MAPK14: variants seen among roughly 807,000 people sequenced by gnomAD.
The protein encoded by MAPK14 is mitogen-activated protein kinase 14.
Under a neutral mutation model 49.6 loss-of-function variants are expected in MAPK14, and 16 were observed. That is an observed-to-expected ratio of 0.32 (90% confidence interval 0.22 to 0.49). The LOEUF is 0.49. Among genes scored for constraint, MAPK14 ranks in the 20% least tolerant of loss-of-function variants. MAPK14 has a pLI of 0.99. For missense variants in MAPK14, 200 were observed against 441.2 expected, an observed-to-expected ratio of 0.45 and a Z score of 4.90; for synonymous variants, 142 against 158.0, an observed-to-expected ratio of 0.90 and a Z score of 0.76.
At chr6:36,058,628 G>T (rs1012065328) in intron 2 of MAPK14, among the ~76,000 whole-genome samples, 2 of 152,204 alleles carry the variant, frequency 1.3e-5, no homozygotes, top group African/African-American at 2.4e-5. Flanking sequence ...GCTGGCCGTG[G>T]TGGCTCACTG....
chr6:36,120,631 A>G, the MAPK14 span, among the ~76,000 whole-genome samples: 1 of 152,140 alleles, frequency 6.6e-6, no homozygotes, highest in African/African-American at 2.4e-5. Context: ...CACTAAATTG[A>G]TGGCTATGGG....
In MAPK14 at chr6:36,092,557, C is replaced by G. The variant is rs1765279440; in HGVS notation, c.683-3430C>G. The G allele has an allele frequency of 6.2e-6, 3 of 484,192 alleles. 1 individual carries two copies. The highest frequency in any genetic ancestry group is 3.4e-5 in the South Asian group (2 of 59,646). The allele number at this position is 484,192 out of a possible 1,614,324, so 30.0% of individuals were successfully genotyped here. On this transcript the variant is annotated intron_variant, in intron 8 of 11. Transcript: ENST00000229794. Reference sequence around the variant, plus strand: ...ATAGGAGCCATGTATGTTGTTTTTTCAAGTTTGACCCATTTTCCTTCTGAA... The same window carrying G: ...ATAGGAGCCATGTATGTTGTTTTTTGAAGTTTGACCCATTTTCCTTCTGAA...
chr6:36,101,920 T>A (rs1439168887), intron 9 of MAPK14, among the ~76,000 whole-genome samples: 2 of 152,222 alleles, frequency 1.3e-5, no homozygotes, highest in Non-Finnish European at 2.9e-5. Context: ...GTGGTTAAGA[T>A]AGACAGCAGA....
chr6:36,065,209 T>G (rs1484892445), intron 3 of MAPK14, among the ~76,000 whole-genome samples: 1 of 152,238 alleles, frequency 6.6e-6, no homozygotes, highest in Non-Finnish European at 1.5e-5. Context: ...TCTTCTCCCT[T>G]TCTTTGTAAG....
At chr6:36,103,826 C>G (rs1472914830) in intron 10 of MAPK14, among the ~76,000 whole-genome samples, 1 of 152,198 alleles carries the variant, frequency 6.6e-6, no homozygotes, top group Non-Finnish European at 1.5e-5. Context: ...CGAGTATAAT[C>G]TGCCTTCTCA....
intron 2 of MAPK14, among the ~76,000 whole-genome samples, chr6:36,054,263 T>C (rs1280670859): frequency 6.6e-6 from 1 of 152,184 alleles, no homozygotes; most frequent in Non-Finnish European, 1.5e-5. Flanking sequence ...ATTTTGAAAG[T>C]GAAATGCAAG....
chr6:36,056,446 G>A (rs1763592678), intron 2 of MAPK14, among the ~76,000 whole-genome samples: 1 of 152,178 alleles, frequency 6.6e-6, no homozygotes, highest in African/African-American at 2.4e-5. Context: ...GCCATTCATT[G>A]AACTCCTGCT....
chr6:36,076,555 G>A lies in MAPK14; in HGVS notation c.629G>A (p.Gly210Glu). ...TTGCCAGTTGATATTTGGTCAGTGG[G>A]ATGCATAATGGCCGAGCTGTTGACT... ...YNQTVDIWSV[G>E]CIMAELLTGR... Residue 210 changes from glycine (G) to glutamate (E), a missense_variant, in exon 8 of 12, where the codon GGA (glycine) becomes GAA (glutamate). Coordinates refer to ENST00000229794, the MANE Select transcript of MAPK14 (RefSeq NM_139012.3). 1 of 1,613,708 alleles carries A rather than the reference G, an allele frequency of 6.2e-7. No homozygotes were observed. The highest frequency in any genetic ancestry group is 1.1e-5 in the South Asian group (1 of 91,076).
the MAPK14 span, among the ~76,000 whole-genome samples, chr6:36,123,835 G>A: frequency 6.6e-6 from 1 of 152,184 alleles, no homozygotes; most frequent in Non-Finnish European, 1.5e-5. Context: ...GTGGAGTGGA[G>A]GGTGACATGT....
At chr6:36,080,030 G>A (rs1209952850) in intron 8 of MAPK14, among the ~76,000 whole-genome samples, 2 of 151,192 alleles carry the variant, frequency 1.3e-5, no homozygotes, top group Non-Finnish European at 2.9e-5. Context: ...TACAACCTCC[G>A]CCTCCCGGGC....
chr6:36,081,192 T>C (rs1764745366), intron 8 of MAPK14, among the ~76,000 whole-genome samples: 1 of 152,238 alleles, frequency 6.6e-6, no homozygotes, highest in Admixed American at 6.5e-5. Context: ...AATTTATTTT[T>C]TTTCTGTCCT....
chr6:36,098,915 C>T (rs1453231442), intron 9 of MAPK14, among the ~76,000 whole-genome samples: 3 of 152,170 alleles, frequency 2.0e-5, no homozygotes, highest in Admixed American at 6.5e-5. Context: ...GATCTGTTAA[C>T]GTTTCTTAAA....
intron 8 of MAPK14, among the ~76,000 whole-genome samples, chr6:36,095,710 A>G (rs1765419044): frequency 6.6e-6 from 1 of 152,182 alleles, no homozygotes; most frequent in Non-Finnish European, 1.5e-5. Context: ...AAGTTGCCTC[A>G]CTTTACTGAT....
intron 4 of MAPK14, chr6:36,073,245 A>T (rs968339244): frequency 6.4e-6 from 3 of 465,432 alleles, no homozygotes; most frequent in African/African-American, 3.9e-5. Flanking sequence ...AATACCATCC[A>T]TAGATACTTC....
chr6:36,104,395 C>CT (rs983542839), intron 10 of MAPK14, among the ~76,000 whole-genome samples: 134 of 148,866 alleles, frequency 9.0e-4, no homozygotes, highest in Admixed American at 2.1e-3. Context: ...TCTTTCTTTC[C>CT]TTTTTTTTTT....
At chr6:36,080,819 A>G (rs1332778685) in intron 8 of MAPK14, among the ~76,000 whole-genome samples, 2 of 151,444 alleles carry the variant, frequency 1.3e-5, no homozygotes, top group East Asian at 3.9e-4. Flanking sequence ...CCAGCAATGC[A>G]TGAGGATTCC....
chr6:36,028,791 C>CTTTTTT lies in MAPK14; in HGVS notation c.116+534_116+539dup, dbSNP rs111234964. 7.7e-4 allele frequency among the ~76,000 whole-genome samples: 77 copies of CTTTTTT among 100,382 alleles called. 1 individual carries two copies. In the South Asian group the frequency reaches 0.016, roughly 21 times the overall value. The allele number at this position is 100,382 out of a possible 152,430, so 65.9% of individuals were successfully genotyped here. A position where few individuals can be genotyped will look rare whatever the true frequency, so the allele number is the denominator to read the frequency against. ...ACCAGGAAGGGAGCTCTCTCCGGGC[C>CTTTTTT]TTTTTTTTTTTTTTTTTTTTTCAAA... On this transcript the variant is annotated intron_variant, in intron 1 of 11. Coordinates refer to ENST00000229794, the MANE Select transcript of MAPK14 (RefSeq NM_139012.3). This position sits in a 1 kb window ranked among gnomAD's most constrained non-coding sequence, Gnocchi z 5.1.
chr6:36,074,995 G>T (rs1175246888), intron 6 of MAPK14, among the ~76,000 whole-genome samples: 1 of 151,850 alleles, frequency 6.6e-6, no homozygotes, highest in African/African-American at 2.4e-5. Context: ...GGGAGGCCAA[G>T]GCGGGTGGAT....
Position 36,072,495 on chromosome 6 carries a change from G to A in MAPK14, c.306-378G>A, listed in dbSNP as rs552928088. ...AAAACTTAGAAGTCGGGCCAGGTGC[G>A]GTGGCTCACGCTTGTAATCCCAGCA... On this transcript the variant is annotated intron_variant, in intron 3 of 11. Coordinates refer to ENST00000229794, the MANE Select transcript of MAPK14 (RefSeq NM_139012.3). Among the ~76,000 whole-genome samples, 11 of 152,112 alleles carry A rather than the reference G, an allele frequency of 7.2e-5. No individual in the cohort carries two copies. The South Asian group carries it at 1.9e-3, about 26-fold the overall frequency.
Sources: allele counts gnomAD v4.1 joint callset (sites outside exome capture counted in the v4.1 genomes callset), GRCh38; gene constraint gnomAD v4.1.1; non-coding constraint Gnocchi (gnomAD v3.1); transcripts MANE v1.5; gene names NCBI Gene and HGNC (gene_info 2026-07-23, HGNC 2026-07-21).